EDNRA: variants seen among roughly 807,000 people sequenced by gnomAD.
EDNRA encodes the protein endothelin receptor type A.
Under a neutral mutation model 41.4 loss-of-function variants are expected in EDNRA, and 11 were observed. The observed-to-expected ratio is 0.27, with a 90% CI of 0.17 to 0.44. EDNRA has a LOEUF of 0.44. Ranked by LOEUF, EDNRA falls within the 20% of genes least tolerant of loss-of-function variation. EDNRA has a pLI of 1.00. For missense variants in EDNRA, 294 were observed against 531.0 expected (o/e 0.55, Z 4.39); for synonymous variants, 172 against 183.0 (o/e 0.94, Z 0.49).
intron 2 of EDNRA, among the ~76,000 whole-genome samples, chr4:147,518,946 A>G (rs1449226333): frequency 2.0e-5 from 3 of 152,224 alleles, no homozygotes; most frequent in South Asian, 2.1e-4. Flanking sequence ...CCATGCTCCT[A>G]GTATAATACC....
chr4:147,524,021 G>C (rs1389131730), intron 3 of EDNRA, among the ~76,000 whole-genome samples: 3 of 152,086 alleles, frequency 2.0e-5, no homozygotes, highest in Admixed American at 2.0e-4. Flanking sequence ...GAAGAAAATA[G>C]ACTATCTTTT....
intron 3 of EDNRA, among the ~76,000 whole-genome samples, chr4:147,529,268 T>C (rs79404363): frequency 0.018 from 2,752 of 152,212 alleles, 77 homozygotes; most frequent in African/African-American, 0.063. Context: ...AGATGCCTGT[T>C]AGGTGTCCTA....
rs959100575 is a variant in EDNRA at position 147,535,725 on chromosome 4, GC to G, written c.748-148del. On this transcript the variant is annotated intron_variant, in intron 4 of 7. Transcript: ENST00000651419. The stretch of plus-strand genomic sequence containing the variant: ...AGCTTCCAACTGAATTGAGTTTTGA[GC>G]CCCACTCCCAAACCCATCACTGCAA... 45 of 851,960 alleles carry G rather than the reference GC, an allele frequency of 5.3e-5. No individual in the cohort carries two copies. In the African/African-American group the frequency reaches 7.7e-4, roughly 15 times the overall value. The allele number at this position is 851,960 out of a possible 1,614,324, so 52.8% of individuals were successfully genotyped here.
chr4:147,537,533 T>G (rs1338275277), intron 5 of EDNRA, among the ~76,000 whole-genome samples: 1 of 152,234 alleles, frequency 6.6e-6, no homozygotes, highest in Non-Finnish European at 1.5e-5. Flanking sequence ...GTTTAAGCTA[T>G]GAGTGGTATT....
chr4:147,531,638 T>C (rs754414201), intron 3 of EDNRA: 2 of 152,234 alleles, frequency 1.3e-5, no homozygotes, highest in Non-Finnish European at 2.9e-5. Context: ...TCTCCTAAGA[T>C]TTCTCTAGAC....
At chr4:147,538,257 C>G (rs889593109) in intron 5 of EDNRA, among the ~76,000 whole-genome samples, 2 of 152,042 alleles carry the variant, frequency 1.3e-5, no homozygotes, top group Admixed American at 1.3e-4. Context: ...AGGGGAAGAA[C>G]AGAAAACAAC....
At chr4:147,506,294 C>A (rs2126421118) in intron 2 of EDNRA, 1 of 462,300 alleles carries the variant, frequency 2.2e-6, no homozygotes. Flanking sequence ...ATATTGGAGG[C>A]CATATATGAA....
chr4:147,528,402 G>A (rs1316217686), intron 3 of EDNRA, among the ~76,000 whole-genome samples: 1 of 143,338 alleles, frequency 7.0e-6, no homozygotes, highest in African/African-American at 2.6e-5. Context: ...CTGTCACCCA[G>A]GCTGGAGTGC....
At chr4:147,516,470 C>G (rs1488866887) in intron 2 of EDNRA, among the ~76,000 whole-genome samples, 1 of 152,196 alleles carries the variant, frequency 6.6e-6, no homozygotes, top group Admixed American at 6.5e-5. Flanking sequence ...AAAATTGGTA[C>G]TGTCTCATTT....
chr4:147,536,146 C>A, intron 5 of EDNRA, 117 bp downstream of exon 5: 1 of 1,213,142 alleles, frequency 8.2e-7, no homozygotes. Flanking sequence ...AAAATACTAT[C>A]CTGTAACTGT....
chr4:147,496,496 A>G (rs1729305132), intron 2 of EDNRA, among the ~76,000 whole-genome samples: 1 of 152,224 alleles, frequency 6.6e-6, no homozygotes, highest in South Asian at 2.1e-4. Flanking sequence ...AATGTGCCTA[A>G]GCATTGGCTC....
chr4:147,481,173 T>A lies in EDNRA; in HGVS notation c.-274T>A, dbSNP rs1259859516. On this transcript the variant is annotated 5_prime_UTR_variant, in exon 1 of 8. In the 5' UTR this introduces an upstream ATG that the reference lacks. Transcript: ENST00000651419. Reference sequence around the variant, plus strand: ...CATCCCACCCGGTCGTCGCCGGGGATTGGGGTCCCAGCGAGACCTCCCCGG... The same window carrying A: ...CATCCCACCCGGTCGTCGCCGGGGAATGGGGTCCCAGCGAGACCTCCCCGG... 1.3e-5 allele frequency: 2 copies of A among 152,242 alleles called. No homozygotes were observed. Among genetic ancestry groups the A allele is most frequent in the African/African-American group, 4.8e-5 (2 of 41,410 alleles). 9.4% of individuals were successfully genotyped at this position (152,242 alleles called of 1,614,324 possible).
intron 3 of EDNRA, among the ~76,000 whole-genome samples, chr4:147,531,044 T>C (rs567800901): frequency 1.3e-5 from 2 of 152,336 alleles, no homozygotes; most frequent in South Asian, 4.1e-4. Flanking sequence ...GCATTAGACC[T>C]TCACATCAGG....
intron 3 of EDNRA, among the ~76,000 whole-genome samples, chr4:147,523,584 A>G (rs979692983): frequency 1.1e-4 from 17 of 149,592 alleles, no homozygotes; most frequent in African/African-American, 3.5e-4. Flanking sequence ...TCCGCCTCCC[A>G]GGTTCACGCC....
At chr4:147,496,587 A>C (rs1729307423) in intron 2 of EDNRA, among the ~76,000 whole-genome samples, 1 of 152,232 alleles carries the variant, frequency 6.6e-6, no homozygotes, top group African/African-American at 2.4e-5. Flanking sequence ...TCTCCTAGTC[A>C]CTATCCTAAC....
intron 1 of EDNRA, among the ~76,000 whole-genome samples, chr4:147,485,311 T>C (rs1039481801): frequency 6.6e-6 from 1 of 150,650 alleles, no homozygotes; most frequent in African/African-American, 2.4e-5. Flanking sequence ...GAGATGGAAA[T>C]AGAGACAGAG....
intron 3 of EDNRA, among the ~76,000 whole-genome samples, chr4:147,526,535 G>A (rs1160676387): frequency 6.6e-6 from 1 of 152,206 alleles, no homozygotes; most frequent in East Asian, 1.9e-4. Context: ...ACCTGGAACT[G>A]CAAAACATCA....
At chr4:147,520,506 C>T (rs1730286226) in intron 3 of EDNRA, 6 of 516,862 alleles carry the variant, frequency 1.2e-5, no homozygotes, top group Admixed American at 9.7e-5. Flanking sequence ...TCAAATGTCC[C>T]GAAGTCTTTC....
intron 2 of EDNRA, among the ~76,000 whole-genome samples, chr4:147,503,276 G>A (rs1729576789): frequency 6.6e-6 from 1 of 152,076 alleles, no homozygotes; most frequent in African/African-American, 2.4e-5. Context: ...CTAAATTAAT[G>A]TAGGTAATAC....
Sources: allele counts gnomAD v4.1 joint callset (sites outside exome capture counted in the v4.1 genomes callset), GRCh38; gene constraint gnomAD v4.1.1; transcripts MANE v1.5; gene names NCBI Gene and HGNC (gene_info 2026-07-23, HGNC 2026-07-21).